NRG3: variants seen among roughly 807,000 people sequenced by gnomAD.
NRG3 encodes neuregulin 3.
A neutral mutation model predicts 66.9 loss-of-function variants in NRG3; 31 were observed. That is an observed-to-expected ratio of 0.46 (90% CI 0.35 to 0.63). The LOEUF (loss-of-function observed/expected upper bound fraction) is 0.63. Among genes scored for constraint, NRG3 ranks in the 20% least tolerant of loss-of-function variants. NRG3 has a pLI of 0.00. For synonymous variants in NRG3, 393 were observed against 359.4 expected (o/e 1.09, Z -1.06); for missense variants, 910 against 878.9 (o/e 1.04, Z -0.45).
intron 3 of NRG3, among the ~76,000 whole-genome samples, chr10:82,744,281 C>T (rs962093919): frequency 1.3e-5 from 2 of 152,098 alleles, no homozygotes; most frequent in African/African-American, 2.4e-5. Context: ...TGAAAAAATA[C>T]CATTAACTGG....
chr10:82,659,987 G>T (rs1418809459), intron 2 of NRG3, among the ~76,000 whole-genome samples: 1 of 151,666 alleles, frequency 6.6e-6, no homozygotes. Flanking sequence ...CCTGAGGTCA[G>T]GAGTTCAAGA....
chr10:82,144,123 C>T (rs1201333454), intron 1 of NRG3, among the ~76,000 whole-genome samples: 1 of 151,734 alleles, frequency 6.6e-6, no homozygotes, highest in Non-Finnish European at 1.5e-5. Context: ...TCACTGCTTT[C>T]TCCCTTTACT....
At chr10:82,887,814 G>T (rs1842847621) in intron 4 of NRG3, among the ~76,000 whole-genome samples, 3 of 152,168 alleles carry the variant, frequency 2.0e-5, no homozygotes, top group Admixed American at 2.0e-4. Context: ...GGGGATTAAT[G>T]AATATATTAT....
At chr10:82,215,091 G>A (rs1049887754) in intron 1 of NRG3, among the ~76,000 whole-genome samples, 1 of 152,112 alleles carries the variant, frequency 6.6e-6, no homozygotes, top group Non-Finnish European at 1.5e-5. Flanking sequence ...ACAATGAGTA[G>A]AAATTAATTT....
Position 82,263,327 on chromosome 10 carries a change from C to G in NRG3, c.824-95412C>G, listed in dbSNP as rs2078128872. Among the ~76,000 whole-genome samples, 6 of 152,154 alleles carry G rather than the reference C, an allele frequency of 3.9e-5. No individual in the cohort carries two copies. The South Asian group carries it at 1.0e-3, about 26-fold the overall frequency. On this transcript the variant is annotated intron_variant, in intron 1 of 8. Coordinates refer to ENST00000372141, the MANE Select transcript of NRG3 (RefSeq NM_001010848.4). ...AGGTAGACAAGGCTGAGATTTTTGC[C>G]TCTAAATCCACAAAGTTCATGCACT...
chr10:82,238,912 G>GTA (rs571009239), intron 1 of NRG3, among the ~76,000 whole-genome samples: 2,971 of 120,722 alleles, frequency 0.025, 122 homozygotes, highest in South Asian at 0.11. Context: ...AGGTTATACC[G>GTA]TATATATATA....
rs541118402 is a variant in NRG3, at chr10:82,115,312, TA to T, written c.823+239151del. 2.0e-4 allele frequency among the ~76,000 whole-genome samples: 31 copies of T among 152,260 alleles called. No homozygotes were observed. The South Asian group carries it at 5.4e-3, about 26-fold the overall frequency. On this transcript the variant is annotated intron_variant, in intron 1 of 8. Transcript: ENST00000372141. ...AATTTCCAAGAGGCCCCTTCAAGTA[TA>T]ACCACAGCTTTTCAATCATTTGACA...
At chr10:82,109,565 GTGTGTGTGTGTGTA>G (rs1423732571) in intron 1 of NRG3, among the ~76,000 whole-genome samples, 27 of 134,902 alleles carry the variant, frequency 2.0e-4, no homozygotes, top group African/African-American at 6.1e-4. Context: ...GTGTGTGTGT[GTGTGTGTGTGTGTA>G]TATATATATT....
intron 1 of NRG3, among the ~76,000 whole-genome samples, chr10:81,953,982 A>C (rs942349157): frequency 2.6e-5 from 4 of 152,184 alleles, no homozygotes; most frequent in South Asian, 2.1e-4. Flanking sequence ...ATTATTGTTC[A>C]TTTCAGTATT....
intron 1 of NRG3, among the ~76,000 whole-genome samples, chr10:81,980,014 A>G (rs1185816464): frequency 1.3e-5 from 2 of 152,244 alleles, no homozygotes; most frequent in Non-Finnish European, 2.9e-5. Flanking sequence ...GTTAGTCGTC[A>G]TCATTTTGCC....
chr10:81,990,097 C>T (rs949624127), intron 1 of NRG3, among the ~76,000 whole-genome samples: 4 of 152,066 alleles, frequency 2.6e-5, no homozygotes, highest in African/African-American at 7.2e-5. Flanking sequence ...AAGGTGTTTG[C>T]GACAGAGTTT....
intron 1 of NRG3, among the ~76,000 whole-genome samples, chr10:82,186,432 T>C (rs2073812888): frequency 6.6e-6 from 1 of 152,178 alleles, no homozygotes; most frequent in South Asian, 2.1e-4. Context: ...GGCTCCATCC[T>C]GGTCACTGAC....
chr10:82,054,758 G>A (rs1415589051), intron 1 of NRG3, among the ~76,000 whole-genome samples: 1 of 151,984 alleles, frequency 6.6e-6, no homozygotes, highest in Non-Finnish European at 1.5e-5. Context: ...TTTGAATTAA[G>A]AAAGAATGAG....
At chr10:82,647,212 T>A (rs866453500) in intron 2 of NRG3, among the ~76,000 whole-genome samples, 2 of 151,766 alleles carry the variant, frequency 1.3e-5, no homozygotes, top group Admixed American at 6.6e-5. Flanking sequence ...TGTCCATGTG[T>A]TCTCATTGTT....
At chr10:82,123,946 G>A (rs2068259138) in intron 1 of NRG3, among the ~76,000 whole-genome samples, 1 of 151,850 alleles carries the variant, frequency 6.6e-6, no homozygotes, top group Non-Finnish European at 1.5e-5. Flanking sequence ...CTGATACTCA[G>A]GACTGCCCCG....
intron 2 of NRG3, among the ~76,000 whole-genome samples, chr10:82,540,574 G>A (rs552296614): frequency 3.3e-5 from 5 of 152,136 alleles, no homozygotes; most frequent in African/African-American, 9.6e-5. Context: ...TATGCAGCCT[G>A]GAGTGTTGGA....
chr10:82,561,419 A>G (rs2045034748), intron 2 of NRG3, among the ~76,000 whole-genome samples: 1 of 152,178 alleles, frequency 6.6e-6, no homozygotes, highest in Non-Finnish European at 1.5e-5. Context: ...TGGGAGGCTG[A>G]GGTGGACGGA....
At chr10:82,572,396 C>T (rs1299096099) in intron 2 of NRG3, among the ~76,000 whole-genome samples, 1 of 151,516 alleles carries the variant, frequency 6.6e-6, no homozygotes, top group East Asian at 1.9e-4. Context: ...TTTGGAGGTA[C>T]TTAGTAAAGT....
chr10:82,458,441 G>A (rs1018198494), intron 2 of NRG3, among the ~76,000 whole-genome samples: 11 of 152,134 alleles, frequency 7.2e-5, no homozygotes, highest in African/African-American at 2.7e-4. Flanking sequence ...GGTCACATCT[G>A]TCTATAGGGA....
Sources: allele counts gnomAD v4.1 joint callset (sites outside exome capture counted in the v4.1 genomes callset), GRCh38; gene constraint gnomAD v4.1.1; transcripts MANE v1.5; gene names NCBI Gene and HGNC (gene_info 2026-07-23, HGNC 2026-07-21).